SLC35F1: variants seen among roughly 807,000 people sequenced by gnomAD.
SLC35F1 encodes solute carrier family 35 member F1.
SLC35F1 carries 14 observed loss-of-function variants against 48.7 expected under a neutral mutation model. The ratio of observed to expected loss-of-function variants is 0.29; its 90% CI spans 0.19 to 0.45. SLC35F1 has a LOEUF of 0.45. Ranked by LOEUF, SLC35F1 falls within the 20% of genes least tolerant of loss-of-function variation. SLC35F1 has a pLI of 1.00. For synonymous variants in SLC35F1, 190 were observed against 202.2 expected (o/e 0.94, Z 0.51); for missense variants, 404 against 500.0 (o/e 0.81, Z 1.83).
chr6:118,130,123 C>G (rs940807322), intron 1 of SLC35F1, among the ~76,000 whole-genome samples: 3 of 152,138 alleles, frequency 2.0e-5, no homozygotes, highest in Non-Finnish European at 4.4e-5. Context: ...AAGCCTTGGG[C>G]AAAGTATTAA....
At chr6:117,947,263 A>T (rs1173874497) in intron 1 of SLC35F1, among the ~76,000 whole-genome samples, 1 of 152,178 alleles carries the variant, frequency 6.6e-6, no homozygotes, top group Non-Finnish European at 1.5e-5. Context: ...GCCTGAGCCC[A>T]GAGGTGTCTT....
chr6:118,200,590 T>G (rs1045259552), intron 2 of SLC35F1, among the ~76,000 whole-genome samples: 1 of 152,170 alleles, frequency 6.6e-6, no homozygotes, highest in African/African-American at 2.4e-5. Context: ...TCACCTTATA[T>G]CTAAAGGAAA....
intron 3 of SLC35F1, among the ~76,000 whole-genome samples, chr6:118,240,794 T>C (rs1040853097): frequency 3.9e-5 from 6 of 152,210 alleles, no homozygotes; most frequent in South Asian, 4.2e-4. Context: ...CAAGGCCCTA[T>C]GTTGGGATGG....
chr6:118,225,691 G>A (rs1458278783), intron 2 of SLC35F1, among the ~76,000 whole-genome samples: 1 of 142,620 alleles, frequency 7.0e-6, no homozygotes, highest in African/African-American at 2.6e-5. Context: ...GGCTAACACG[G>A]TGAAACCCCG....
intron 1 of SLC35F1, among the ~76,000 whole-genome samples, chr6:117,930,538 T>C (rs1409504374): frequency 6.6e-6 from 1 of 152,154 alleles, no homozygotes; most frequent in African/African-American, 2.4e-5. Context: ...TAGATAGGCC[T>C]CTTTTCTAAG....
chr6:117,951,918 C>G (rs958409115), intron 1 of SLC35F1, among the ~76,000 whole-genome samples: 1 of 152,220 alleles, frequency 6.6e-6, no homozygotes, highest in African/African-American at 2.4e-5. Context: ...CAAGGGATTT[C>G]CTGCAAAGTG....
intron 1 of SLC35F1, among the ~76,000 whole-genome samples, chr6:118,035,051 AT>A (rs1226482666): frequency 3.9e-5 from 6 of 152,092 alleles, no homozygotes; most frequent in African/African-American, 1.4e-4. Flanking sequence ...AAAGAATTTG[AT>A]TTCTTTAATA....
At chr6:118,237,175 G>C (rs1775376539) in intron 3 of SLC35F1, among the ~76,000 whole-genome samples, 1 of 152,118 alleles carries the variant, frequency 6.6e-6, no homozygotes, top group Admixed American at 6.5e-5. Flanking sequence ...CTTTTTTAAA[G>C]TTAATTTATA....
intron 2 of SLC35F1, among the ~76,000 whole-genome samples, chr6:118,190,721 G>A (rs1235284882): frequency 6.6e-6 from 1 of 152,120 alleles, no homozygotes; most frequent in South Asian, 2.1e-4. Context: ...CTATGGGGAG[G>A]ATAATACCAA....
chr6:118,247,259 C>G (rs1775519358), intron 3 of SLC35F1, among the ~76,000 whole-genome samples: 1 of 152,190 alleles, frequency 6.6e-6, no homozygotes. Flanking sequence ...AACCCACATT[C>G]CAATTAGCTT....
chr6:118,315,117 TC>T lies in SLC35F1; in HGVS notation c.*866del, dbSNP rs1343998872. ...CCCTGTAGCCTCTCTTCAAAAACTA[TC>T]TTTTATTTTTTTTCCAGATTTCCTT... On this transcript the variant is annotated 3_prime_UTR_variant, in exon 8 of 8. Coordinates refer to ENST00000360388, the MANE Select transcript of SLC35F1 (RefSeq NM_001029858.4). 6.6e-6 allele frequency: 1 copy of T among 152,640 alleles called. No homozygotes were observed. The highest frequency in any genetic ancestry group is 1.5e-5 in the Non-Finnish European group (1 of 68,040). The allele number at this position is 152,640 out of a possible 1,614,324, so 9.5% of individuals were successfully genotyped here.
chr6:118,035,568 C>T (rs1321414393), intron 1 of SLC35F1, among the ~76,000 whole-genome samples: 3 of 149,616 alleles, frequency 2.0e-5, no homozygotes, highest in South Asian at 2.1e-4. Context: ...GAGCTGAGAT[C>T]GTGCCAGTGC....
At chr6:118,217,164 T>G (rs1440980284) in intron 2 of SLC35F1, among the ~76,000 whole-genome samples, 1 of 152,204 alleles carries the variant, frequency 6.6e-6, no homozygotes, top group Non-Finnish European at 1.5e-5. Context: ...AATCAGAGAC[T>G]TGAACAGATA....
chr6:118,153,400 G>A (rs1056635042), intron 1 of SLC35F1, among the ~76,000 whole-genome samples: 3 of 152,060 alleles, frequency 2.0e-5, no homozygotes, highest in Non-Finnish European at 2.9e-5. Context: ...ACATGAGACT[G>A]TACTGCATAA....
At chr6:117,971,413 C>A (rs1776636552) in intron 1 of SLC35F1, among the ~76,000 whole-genome samples, 1 of 152,208 alleles carries the variant, frequency 6.6e-6, no homozygotes, top group African/African-American at 2.4e-5. Context: ...GTGCACAGTG[C>A]AAGCTGTCAC....
intron 2 of SLC35F1, among the ~76,000 whole-genome samples, chr6:118,178,216 A>T (rs955623739): frequency 2.6e-5 from 4 of 151,918 alleles, no homozygotes; most frequent in African/African-American, 9.7e-5. Flanking sequence ...CCCCCAAAGC[A>T]TGCCAACTCT....
chr6:118,198,235 T>C (rs988385381), intron 2 of SLC35F1, among the ~76,000 whole-genome samples: 1 of 152,216 alleles, frequency 6.6e-6, no homozygotes, highest in African/African-American at 2.4e-5. Context: ...AATTCAGATT[T>C]TGAACCAGTG....
At chr6:118,259,590 T>C (rs1439402852) in intron 3 of SLC35F1, among the ~76,000 whole-genome samples, 1 of 151,452 alleles carries the variant, frequency 6.6e-6, no homozygotes, top group African/African-American at 2.4e-5. Flanking sequence ...TCAAAGAAGA[T>C]ACAAAAATGG....
At chr6:118,253,843 C>A (rs536623608) in intron 3 of SLC35F1, among the ~76,000 whole-genome samples, 82 of 152,008 alleles carry the variant, frequency 5.4e-4, no homozygotes, top group Non-Finnish European at 3.5e-4. Flanking sequence ...TGAATGGAAC[C>A]AAGATGCCAG....
Sources: allele counts gnomAD v4.1 joint callset (sites outside exome capture counted in the v4.1 genomes callset), GRCh38; gene constraint gnomAD v4.1.1; transcripts MANE v1.5; gene names NCBI Gene and HGNC (gene_info 2026-07-23, HGNC 2026-07-21).